The following IGFN1 variants were observed in gnomAD, a reference collection of about 807,000 sequenced individuals.
IGFN1 encodes the protein immunoglobulin-like and fibronectin type III domain-containing protein 1.
In IGFN1, 253 loss-of-function variants were observed where a neutral mutation model predicts 289.5. The ratio of observed to expected loss-of-function variants is 0.87; its 90% confidence interval spans 0.79 to 0.97. The LOEUF (loss-of-function observed/expected upper bound fraction) is 0.97, where lower values mean the gene tolerates loss of function less well. Among genes scored for constraint, IGFN1 ranks in the 50% least tolerant of loss-of-function variants. The pLI is 0.00. For missense variants in IGFN1, 4,470 were observed against 4,686.1 expected (o/e 0.95, Z 1.35); for synonymous variants, 1,706 against 1,788.5 (o/e 0.95, Z 1.16).
In IGFN1 at chr1:201,206,153, A is replaced by G. The variant is rs1309668138; in HGVS notation, c.1260A>G (p.Ser420=). 1.9e-6 allele frequency: 3 copies of G among 1,550,876 alleles called. No individual in the cohort carries two copies. The South Asian group carries it at 3.6e-5, about 18-fold the overall frequency. The part of the protein sequence containing the change: ...HKLQRQGAQA[S]GAEESGSIES... Reference sequence around the variant, plus strand: ...TGCAGAGGCAAGGAGCCCAGGCATCAGGAGCAGAAGAGTCTGGGAGCATCG... The same window carrying G: ...TGCAGAGGCAAGGAGCCCAGGCATCGGGAGCAGAAGAGTCTGGGAGCATCG... Residue 420 remains serine (S), a synonymous_variant, in exon 12 of 24, where the codon TCA becomes TCG. Transcript: ENST00000335211.
At chr1:201,225,716 C>A (rs1209311812) in intron 21 of IGFN1, 108 bp from the exon 22 acceptor site, 11 of 954,262 alleles carry the variant, frequency 1.2e-5, no homozygotes, top group Non-Finnish European at 1.5e-5. Flanking sequence ...ACTTGTGTGG[C>A]AAGACTGCGT....
Position 201,226,074 on chromosome 1 carries a change from C to T in IGFN1, c.10737C>T (p.Ala3579=), listed in dbSNP as rs368961727. The T allele has an allele frequency of 2.5e-6, 4 of 1,603,668 alleles. No homozygotes were observed. Among genetic ancestry groups the T allele is most frequent in the Non-Finnish European group, 3.4e-6 (4 of 1,173,608 alleles). Residue 3579 remains alanine (A), a synonymous_variant, in exon 22 of 24, where the codon GCC becomes GCT. Transcript: ENST00000335211. ...FRVVAKNELG[A]SKPSDTSQPW... ...TGGTGGCCAAGAATGAGCTGGGGGC[C>T]AGCAAACCCTCGGACACCAGCCAGC...
Position 201,225,983 on chromosome 1 carries a change from A to G in IGFN1, c.10646A>G (p.Asp3549Gly). The change falls in exon 22 of 24, where the codon GAC becomes GGC. Residue 3549 changes from aspartate to glycine, a missense_variant. Asp to Gly is a moderately conservative substitution (Grantham distance 94, BLOSUM62 -1). Transcript: ENST00000335211. ...SAHGPWHEAA[D>G]RIHTNRFTLL... ...CACGGTCCCTGGCACGAGGCAGCCG[A>G]CCGCATCCACACCAACCGCTTCACC... 3 of 1,566,600 alleles carry G rather than the reference A, an allele frequency of 1.9e-6. No homozygotes were observed. The highest frequency in any genetic ancestry group is 2.6e-6 in the Non-Finnish European group (3 of 1,152,754).
rs764177121 is a variant in IGFN1, at chr1:201,213,432, G to A, written c.8539G>A (p.Gly2847Arg). Residue 2847 changes from glycine to arginine, a missense_variant, in exon 12 of 24, where the codon GGA (glycine) becomes AGA (arginine). By Grantham distance (125) the Gly-to-Arg change is moderately radical. This residue lies in a region of IGFN1 where 2,218 missense variants were observed against 2,114.1 expected (regional missense o/e 1.05). Transcript: ENST00000335211. ...TGGAAGCATGGGGTGGCAGCCTATG[G>A]GAGAGAACTGGGGGTGCCTGGAGGA... Reference protein sequence around the residue: ...EAGSMGWQPMGENWGCLEEML... With the variant: ...EAGSMGWQPMRENWGCLEEML... 6.2e-7 allele frequency: 1 copy of A among 1,614,054 alleles called. No homozygotes were observed. Among genetic ancestry groups the A allele is most frequent in the East Asian group, 2.2e-5 (1 of 44,872 alleles).
Position 201,207,202 on chromosome 1 carries a change from C to T in IGFN1, c.2309C>T (p.Ala770Val). The T allele has an allele frequency of 1.3e-6, 2 of 1,536,864 alleles. No homozygotes were observed. Among genetic ancestry groups the T allele is most frequent in the Non-Finnish European group, 1.7e-6 (2 of 1,146,862 alleles). Residue 770 changes from alanine (A) to valine (V), a missense_variant, in exon 12 of 24, where the codon GCC becomes GTC. Ala to Val is a moderately conservative substitution (Grantham distance 64, BLOSUM62 0). This residue lies in a region of IGFN1 where 2,011 missense variants were observed against 1,953.4 expected (regional missense o/e 1.03). Coordinates refer to ENST00000335211, the MANE Select transcript of IGFN1 (RefSeq NM_001164586.2). ...CRGESVVTGS[A>V]YKTGPGGPGD... is the part of the protein sequence containing the mutation. ...GGGGAGTCTGTAGTTACAGGAAGTGCCTACAAAACTGGCCCTGGAGGCCCA... is the reference window on the plus strand; with the variant it reads ...GGGGAGTCTGTAGTTACAGGAAGTGTCTACAAAACTGGCCCTGGAGGCCCA...
chr1:201,196,032 C>A (rs537951837), intron 4 of IGFN1, 54 bp downstream of exon 4: 1 of 1,523,302 alleles, frequency 6.6e-7, no homozygotes, highest in Non-Finnish European at 8.8e-7. Context: ...TTCCCATCCC[C>A]TTGAAGGTCT....
At position 201,207,510 on chromosome 1, in the gene IGFN1, G is replaced by T. The variant is rs1667482955; in HGVS notation, c.2617G>T (p.Val873Leu). The T allele has an allele frequency of 6.5e-7, 1 of 1,535,800 alleles. No individual in the cohort carries two copies. Among genetic ancestry groups the T allele is most frequent in the South Asian group, 1.2e-5 (1 of 83,914 alleles). Residue 873 changes from valine (V) to leucine (L), a missense_variant, in exon 12 of 24, where the codon GTG becomes TTG. Physicochemically the swap from Val to Leu is conservative, Grantham distance 32. Transcript: ENST00000335211. ...ACAAGAGGGTATGGGTGGTATCTGG[G>T]TGGCTGGACTGACGGAGTCTGGTCA... Reference protein sequence around the residue: ...GGQEGMGGIWVAGLTESGQGV... With the variant: ...GGQEGMGGIWLAGLTESGQGV...
At chr1:201,218,424 T>G in intron 17 of IGFN1, 106 bp from the exon 18 acceptor site, 8 of 1,065,546 alleles carry the variant, frequency 7.5e-6, no homozygotes, top group Non-Finnish European at 1.1e-5. Flanking sequence ...GGGAGGGATG[T>G]GTTAGGACCC....
At position 201,200,369 on chromosome 1, in the gene IGFN1, G is replaced by C. The variant is rs1461089291; in HGVS notation, c.591G>C (p.Arg197Ser). Residue 197 changes from arginine to serine, a missense_variant, in exon 8 of 24, where the codon AGG becomes AGC. By Grantham distance (110) the Arg-to-Ser change is moderately radical. Coordinates refer to ENST00000335211, the MANE Select transcript of IGFN1 (RefSeq NM_001164586.2). The stretch of plus-strand genomic sequence containing the variant: ...TCGACTACCGTGGCATGTTGCGCAG[G>C]CTGCAGGAGATGAAGAAGGAACAGG... ...GIVDYRGMLRRLQEMKKEQED... is the reference protein window; with the variant it reads ...GIVDYRGMLRSLQEMKKEQED... 1 of 1,551,658 alleles carries C rather than the reference G, an allele frequency of 6.4e-7. No individual in the cohort carries two copies. The highest frequency in any genetic ancestry group is 8.7e-7 in the Non-Finnish European group (1 of 1,147,032).
intron 4 of IGFN1, among the ~76,000 whole-genome samples, chr1:201,197,011 C>T (rs927652876): frequency 6.6e-6 from 1 of 152,208 alleles, no homozygotes; most frequent in Non-Finnish European, 1.5e-5. Context: ...CGCTACATTG[C>T]CTCTGATGGC....
intron 9 of IGFN1, 98 bp downstream of exon 9, chr1:201,201,930 C>G: frequency 1.5e-6 from 1 of 679,838 alleles, no homozygotes; most frequent in Non-Finnish European, 2.6e-6. Context: ...TCCAAGGGAA[C>G]AACCAGAGCA....
At position 201,199,654 on chromosome 1, in the gene IGFN1, G is replaced by C. The variant is rs776161533; in HGVS notation, c.458G>C (p.Arg153Thr). 1 of 1,551,284 alleles carries C rather than the reference G, an allele frequency of 6.4e-7. No homozygotes were observed. The highest frequency in any genetic ancestry group is 8.7e-7 in the Non-Finnish European group (1 of 1,146,754). ...LMDFRKLLKK[R>T]APPAPKKKMD... Reference sequence around the variant, plus strand: ...GACTTCCGGAAGTTGCTGAAAAAGAGGTGGGTTTGGGCCTGTCCATGAGGG... The same window carrying C: ...GACTTCCGGAAGTTGCTGAAAAAGACGTGGGTTTGGGCCTGTCCATGAGGG... Residue 153 changes from arginine (R) to threonine (T), a missense_variant and splice_region_variant, in exon 7 of 24, where the codon AGG becomes ACG. Physicochemically the swap from Arg to Thr is moderately conservative, Grantham distance 71. Around this residue, in one of 8 missense-constraint regions of IGFN1, gnomAD observed 2,011 missense variants for 1,953.4 expected, o/e 1.03. Coordinates refer to ENST00000335211, the MANE Select transcript of IGFN1 (RefSeq NM_001164586.2).
intron 20 of IGFN1, among the ~76,000 whole-genome samples, chr1:201,223,500 A>G (rs1653881092): frequency 6.6e-6 from 1 of 152,056 alleles, no homozygotes; most frequent in Non-Finnish European, 1.5e-5. Context: ...CCTCCCAAGT[A>G]GCTGGGATTA....
At position 201,207,596 on chromosome 1, in the gene IGFN1, T is replaced by C. The variant is rs1296629512; in HGVS notation, c.2703T>C (p.Ser901=). 1 of 1,536,812 alleles carries C rather than the reference T, an allele frequency of 6.5e-7. No homozygotes were observed. The highest frequency in any genetic ancestry group is 8.7e-7 in the Non-Finnish European group (1 of 1,146,810). The change falls in exon 12 of 24, where the codon TCT becomes TCC. Residue 901 remains serine (S), a synonymous_variant. Transcript: ENST00000335211. The stretch of plus-strand genomic sequence containing the variant: ...CTCCAGGCCTGGGTGCTCAGGGATC[T>C]GGGGGGACACTAGGAGATAAGAAAG... ...SRAPGLGAQG[S]GGTLGDKKGL...
chr1:201,198,479 C>T (rs1471661924), intron 5 of IGFN1, among the ~76,000 whole-genome samples: 2 of 151,862 alleles, frequency 1.3e-5, no homozygotes, highest in Non-Finnish European at 2.9e-5. Context: ...GGCTGGAGTG[C>T]AGTGGTGTGA....
intron 1 of IGFN1, among the ~76,000 whole-genome samples, chr1:201,192,529 A>G (rs1666703705): frequency 6.6e-6 from 1 of 152,180 alleles, no homozygotes. Context: ...AGAATGGAAA[A>G]TACTCCTATT....
chr1:201,212,114 G>A lies in IGFN1; in HGVS notation c.7221G>A (p.Glu2407=). The A allele has an allele frequency of 6.5e-7, 1 of 1,536,506 alleles. No homozygotes were observed. Among genetic ancestry groups the A allele is most frequent in the South Asian group, 1.2e-5 (1 of 84,056 alleles). Residue 2407 remains glutamate, a synonymous_variant, in exon 12 of 24, where the codon GAG becomes GAA. Coordinates refer to ENST00000335211, the MANE Select transcript of IGFN1 (RefSeq NM_001164586.2). ...EGDTNSKDGP[E]RARETRLVDG... ...ACACGAACTCCAAGGATGGTCCAGA[G>A]CGAGCCAGGGAAACCAGGCTTGTGG...
chr1:201,216,540 A>G lies in IGFN1; in HGVS notation c.9382A>G (p.Asn3128Asp). Residue 3128 changes from asparagine to aspartate, a missense_variant, in exon 16 of 24, where the codon AAT (asparagine) becomes GAT (aspartate). This residue lies in a region of IGFN1 where 2,218 missense variants were observed against 2,114.1 expected (regional missense o/e 1.05). Coordinates refer to ENST00000335211, the MANE Select transcript of IGFN1 (RefSeq NM_001164586.2). Reference sequence around the variant, plus strand: ...CCTCCGCTGGCGGCCCCCAAGGGACAATGGGGGCCGGACTGTAGAGTGCTA... The same window carrying G: ...CCTCCGCTGGCGGCCCCCAAGGGACGATGGGGGCCGGACTGTAGAGTGCTA... ...VCLRWRPPRD[N>D]GGRTVECYVV... 6.2e-7 allele frequency: 1 copy of G among 1,612,942 alleles called. No homozygotes were observed. The highest frequency in any genetic ancestry group is 8.5e-7 in the Non-Finnish European group (1 of 1,179,424).
Position 201,208,539 on chromosome 1 carries a change from G to T in IGFN1, c.3646G>T (p.Asp1216Tyr). ...GGCTGGCAATGTGCTGGGTTATGAGGATGGATCAGAACTTCCAGGGCCTCA... is the reference window on the plus strand; with the variant it reads ...GGCTGGCAATGTGCTGGGTTATGAGTATGGATCAGAACTTCCAGGGCCTCA... Reference protein sequence around the residue: ...YGAGNVLGYEDGSELPGPQGT... With the variant: ...YGAGNVLGYEYGSELPGPQGT... The change falls in exon 12 of 24, where the codon GAT becomes TAT. Residue 1216 changes from aspartate to tyrosine, a missense_variant. This residue lies in a region of IGFN1 where 2,011 missense variants were observed against 1,953.4 expected (regional missense o/e 1.03). Transcript: ENST00000335211. 6.8e-7 allele frequency: 1 copy of T among 1,461,358 alleles called. No homozygotes were observed. The highest frequency in any genetic ancestry group is 9.0e-7 in the Non-Finnish European group (1 of 1,115,298). 90.5% of individuals were successfully genotyped at this position (1,461,358 alleles called of 1,614,324 possible).
Sources: gnomAD v4.1 joint callset for allele counts (sites outside exome capture counted in the v4.1 genomes callset) on GRCh38, gnomAD v4.1.1 for gene constraint, gnomAD v4.1.1 regional missense constraint, MANE v1.5 for transcripts, NCBI Gene and HGNC (gene_info 2026-07-23, HGNC 2026-07-21) for gene names.